The following METAP1 variants were observed in gnomAD, a reference collection of about 807,000 sequenced individuals.
The protein encoded by METAP1 is methionyl aminopeptidase 1.
In METAP1, 28 loss-of-function variants were observed where a neutral mutation model predicts 53.8. The observed-to-expected ratio is 0.52, with a 90% CI of 0.39 to 0.71. The LOEUF (loss-of-function observed/expected upper bound fraction) is 0.71, where lower values mean the gene tolerates loss of function less well. Among genes scored for constraint, METAP1 ranks in the 30% least tolerant of loss-of-function variants. The probability of loss-of-function intolerance (pLI) is 0.00; values close to 1 mark genes in which losing one functional copy is unlikely to be tolerated. For synonymous variants in METAP1, 181 were observed against 165.7 expected (o/e 1.09, Z -0.71); for missense variants, 389 against 479.8 (o/e 0.81, Z 1.77).
intron 2 of METAP1, among the ~76,000 whole-genome samples, chr4:99,030,405 G>A (rs949730449): frequency 4.6e-5 from 7 of 152,312 alleles, no homozygotes; most frequent in African/African-American, 1.4e-4. Flanking sequence ...TACACCTCTA[G>A]TGTTTAGTAT....
chr4:99,028,781 A>T (rs1051506086), intron 1 of METAP1, 86 bp from the exon 2 acceptor site: 2 of 982,636 alleles, frequency 2.0e-6, no homozygotes, highest in African/African-American at 3.3e-5. Flanking sequence ...AATAGTTTAC[A>T]ATAACTCTTG....
At chr4:99,046,503 T>TA (rs1187328578) in intron 8 of METAP1, among the ~76,000 whole-genome samples, 3 of 152,202 alleles carry the variant, frequency 2.0e-5, no homozygotes, top group Non-Finnish European at 4.4e-5. Flanking sequence ...GTTAAATCCT[T>TA]ACCATATCAA....
intron 1 of METAP1, among the ~76,000 whole-genome samples, chr4:99,024,722 C>T (rs1278382512): frequency 6.6e-6 from 1 of 152,204 alleles, no homozygotes; most frequent in African/African-American, 2.4e-5. Flanking sequence ...ACTCCTGAAA[C>T]ATAATTTCTA....
intron 1 of METAP1, among the ~76,000 whole-genome samples, chr4:99,003,613 A>G (rs929304535): frequency 4.6e-5 from 7 of 152,246 alleles, no homozygotes; most frequent in African/African-American, 1.4e-4. Flanking sequence ...TAAAGTTTTA[A>G]GGACCATAAA....
At chr4:98,997,480 T>C (rs1336521862) in intron 1 of METAP1, 1 of 154,808 alleles carries the variant, frequency 6.5e-6, no homozygotes, top group Non-Finnish European at 1.5e-5. Context: ...TCCCAAATTC[T>C]ATCTTGTTGT....
intron 1 of METAP1, among the ~76,000 whole-genome samples, chr4:99,001,085 C>G (rs1314969146): frequency 3.3e-5 from 5 of 152,222 alleles, no homozygotes; most frequent in Non-Finnish European, 5.9e-5. Flanking sequence ...CTTTGAAATG[C>G]AACCCTGCCC....
intron 4 of METAP1, chr4:99,036,053 T>C (rs1725400199): frequency 6.5e-6 from 1 of 154,342 alleles, no homozygotes; most frequent in African/African-American, 2.4e-5. Context: ...ATAATGATAC[T>C]GAGACACCCA....
intron 10 of METAP1, among the ~76,000 whole-genome samples, chr4:99,060,567 G>T (rs1579349639): frequency 6.6e-6 from 1 of 152,070 alleles, no homozygotes; most frequent in African/African-American, 2.4e-5. Flanking sequence ...GTTTCACTGT[G>T]TTAGCTAGGA....
chr4:99,032,806 A>G (rs1035063418), intron 2 of METAP1, among the ~76,000 whole-genome samples: 18 of 152,228 alleles, frequency 1.2e-4, no homozygotes, highest in African/African-American at 4.1e-4. Flanking sequence ...TGACCCAACT[A>G]GCAGTGAATG....
chr4:99,017,668 C>T (rs1223914855), intron 1 of METAP1, among the ~76,000 whole-genome samples: 1 of 152,254 alleles, frequency 6.6e-6, no homozygotes, highest in African/African-American at 2.4e-5. Context: ...TAGCCTCATA[C>T]TTTAAAATCC....
intron 2 of METAP1, among the ~76,000 whole-genome samples, chr4:99,030,761 A>G (rs1342959143): frequency 1.3e-5 from 2 of 148,970 alleles, no homozygotes; most frequent in Non-Finnish European, 3.0e-5. Context: ...ATTTCTTGTC[A>G]TGGAGACGAT....
At chr4:99,014,816 G>A (rs1723664347) in intron 1 of METAP1, among the ~76,000 whole-genome samples, 1 of 152,176 alleles carries the variant, frequency 6.6e-6, no homozygotes, top group South Asian at 2.1e-4. Context: ...GGCTGATGGA[G>A]GCCTCATGGG....
intron 4 of METAP1, chr4:99,036,042 G>A (rs1370575082): frequency 6.5e-6 from 1 of 154,280 alleles, no homozygotes; most frequent in African/African-American, 2.4e-5. Context: ...CATTTTTATA[G>A]ATAATGATAC....
intron 1 of METAP1, among the ~76,000 whole-genome samples, chr4:99,027,845 A>AG (rs943422023): frequency 4.6e-5 from 7 of 152,216 alleles, no homozygotes; most frequent in African/African-American, 1.7e-4. Flanking sequence ...AAGAGAAAGT[A>AG]GTGAAGATTC....
At chr4:99,045,419 T>A (rs1464279292) in intron 8 of METAP1, 109 bp downstream of exon 8, 1 of 1,201,040 alleles carries the variant, frequency 8.3e-7, no homozygotes, top group East Asian at 2.6e-5. Context: ...TTGCCCCTGT[T>A]CTACCTGAGT....
chr4:99,031,119 T>A (rs973734161), intron 2 of METAP1, among the ~76,000 whole-genome samples: 1 of 150,186 alleles, frequency 6.7e-6, no homozygotes, highest in Non-Finnish European at 1.5e-5. Flanking sequence ...TTTTTTTTTT[T>A]TTTTTACTTG....
In METAP1 at chr4:99,061,441, C is replaced by A; in HGVS notation, c.*124C>A. 1 of 889,510 alleles carries A rather than the reference C, an allele frequency of 1.1e-6. No individual in the cohort carries two copies. Among genetic ancestry groups the A allele is most frequent in the Non-Finnish European group, 1.7e-6 (1 of 604,760 alleles). The allele number at this position is 889,510 out of a possible 1,614,324, so 55.1% of individuals were successfully genotyped here. On this transcript the variant is annotated 3_prime_UTR_variant, in exon 11 of 11. Coordinates refer to ENST00000296411, the MANE Select transcript of METAP1 (RefSeq NM_015143.3). Reference sequence around the variant, plus strand: ...TGTTTTGACTATAGATAAGAAAGGACTACAGCATTTGATGTGTGTCCTCAA... The same window carrying A: ...TGTTTTGACTATAGATAAGAAAGGAATACAGCATTTGATGTGTGTCCTCAA...
At chr4:99,005,944 G>A in intron 1 of METAP1, 4 of 224,294 alleles carry the variant, frequency 1.8e-5, no homozygotes, top group East Asian at 1.1e-4. Context: ...TGAGGGTGAG[G>A]GATAAGAAAC....
At position 99,045,264 on chromosome 4, in the gene METAP1, A is replaced by C; in HGVS notation, c.741A>C (p.Lys247Asn). The change falls in exon 8 of 11, where the codon AAA becomes AAC. Residue 247 changes from lysine to asparagine, a missense_variant. By Grantham distance (94) the Lys-to-Asn change is moderately conservative. Transcript: ENST00000296411. The stretch of plus-strand genomic sequence containing the variant: ...GAGAAGTGGATGATGGAGCACGGAA[A>C]CTTGTTCAGACCACATATGAGTGCC... ...FVGEVDDGAR[K>N]LVQTTYECLM... 1 of 1,613,834 alleles carries C rather than the reference A, an allele frequency of 6.2e-7. No homozygotes were observed. The highest frequency in any genetic ancestry group is 8.5e-7 in the Non-Finnish European group (1 of 1,179,816).
Sources: gnomAD v4.1 joint callset for allele counts (sites outside exome capture counted in the v4.1 genomes callset) on GRCh38, gnomAD v4.1.1 for gene constraint, MANE v1.5 for transcripts, NCBI Gene and HGNC (gene_info 2026-07-23, HGNC 2026-07-21) for gene names.